AGMO: variants seen among roughly 807,000 people sequenced by gnomAD.
AGMO encodes the protein glyceryl-ether monooxygenase.
AGMO carries 75 observed loss-of-function variants against 60.2 expected under a neutral mutation model. That is an observed-to-expected ratio of 1.25 (90% CI 1.03 to 1.51). The LOEUF is 1.51. Among genes scored for constraint, AGMO ranks in the 40% most tolerant of loss-of-function variants. AGMO has a pLI of 0.00. For synonymous variants in AGMO, 261 were observed against 177.1 expected (o/e 1.47, Z -3.76); for missense variants, 763 against 525.5 (o/e 1.45, Z -4.42).
At chr7:15,495,692 C>T (rs533173752) in intron 3 of AGMO, among the ~76,000 whole-genome samples, 7 of 152,146 alleles carry the variant, frequency 4.6e-5, no homozygotes, top group African/African-American at 9.6e-5. Context: ...TTCTGGTGGC[C>T]GAGAAGTCCA....
intron 9 of AGMO, 78 bp from the exon 10 acceptor site, chr7:15,385,640 G>C: frequency 3.7e-6 from 3 of 806,732 alleles, no homozygotes; most frequent in South Asian, 1.6e-5. Flanking sequence ...AGAGATATTT[G>C]AAAAAAGTAT....
chr7:15,540,235 G>A (rs530739607), intron 3 of AGMO, among the ~76,000 whole-genome samples: 2 of 152,252 alleles, frequency 1.3e-5, no homozygotes, highest in East Asian at 3.9e-4. Flanking sequence ...GACATCTCTG[G>A]AGAGGTTGTG....
intron 5 of AGMO, among the ~76,000 whole-genome samples, chr7:15,401,899 T>C (rs1195841491): frequency 6.6e-6 from 1 of 152,068 alleles, no homozygotes; most frequent in Non-Finnish European, 1.5e-5. Flanking sequence ...TGCATTTTGA[T>C]GAGCATAGGT....
chr7:15,223,355 G>C (rs759965742), intron 12 of AGMO, among the ~76,000 whole-genome samples: 40 of 151,838 alleles, frequency 2.6e-4, no homozygotes, highest in Non-Finnish European at 5.0e-4. Flanking sequence ...TGTAGCTTCA[G>C]TGATATCATT....
chr7:15,352,279 T>C (rs960234586), intron 12 of AGMO, among the ~76,000 whole-genome samples: 10 of 152,036 alleles, frequency 6.6e-5, no homozygotes, highest in Admixed American at 1.3e-4. Flanking sequence ...CTACTTGTCC[T>C]GCCTATTTAA....
chr7:15,369,784 T>C (rs1185267566), intron 10 of AGMO, among the ~76,000 whole-genome samples: 2 of 152,162 alleles, frequency 1.3e-5, no homozygotes, highest in African/African-American at 4.8e-5. Context: ...GCCTAGAATA[T>C]AGAACTCAAT....
At chr7:15,162,492 A>G in the AGMO span, among the ~76,000 whole-genome samples, 1 of 152,052 alleles carries the variant, frequency 6.6e-6, no homozygotes, top group Non-Finnish European at 1.5e-5. Context: ...CAGGAGTTCG[A>G]GAACAGCCTG....
At chr7:15,429,507 C>G (rs889787550) in intron 4 of AGMO, among the ~76,000 whole-genome samples, 1 of 152,022 alleles carries the variant, frequency 6.6e-6, no homozygotes, top group East Asian at 1.9e-4. Context: ...ATTGCCCTGG[C>G]AGTACCTTGA....
At chr7:15,554,396 T>C (rs888661111) in intron 2 of AGMO, among the ~76,000 whole-genome samples, 7 of 152,100 alleles carry the variant, frequency 4.6e-5, no homozygotes, top group African/African-American at 1.7e-4. Context: ...ATCCCTTTTA[T>C]GCCTTAAGTT....
intron 3 of AGMO, among the ~76,000 whole-genome samples, chr7:15,499,066 A>G (rs2128524297): frequency 6.6e-6 from 1 of 152,022 alleles, no homozygotes; most frequent in East Asian, 1.9e-4. Flanking sequence ...AAACACTTAA[A>G]GTTCCAAGTT....
At chr7:15,527,042 C>A (rs1784146799) in intron 3 of AGMO, among the ~76,000 whole-genome samples, 1 of 152,056 alleles carries the variant, frequency 6.6e-6, no homozygotes, top group East Asian at 1.9e-4. Flanking sequence ...CCTCCCTGTT[C>A]CCTGAGACAC....
chr7:15,501,911 T>C (rs1317631736), intron 3 of AGMO, among the ~76,000 whole-genome samples: 1 of 152,060 alleles, frequency 6.6e-6, no homozygotes, highest in Non-Finnish European at 1.5e-5. Context: ...GTTAATTCTA[T>C]ATTTAGTTAA....
chr7:15,559,418 G>A (rs1785240866), intron 2 of AGMO, among the ~76,000 whole-genome samples: 2 of 152,030 alleles, frequency 1.3e-5, no homozygotes, highest in African/African-American at 4.8e-5. Flanking sequence ...TTGGAAAACA[G>A]ATAAAGCTTG....
intron 12 of AGMO, among the ~76,000 whole-genome samples, chr7:15,288,110 G>A (rs1045787618): frequency 1.2e-4 from 18 of 151,568 alleles, no homozygotes; most frequent in African/African-American, 3.9e-4. Context: ...CGCAAGCTCC[G>A]CCTCCCGGGT....
rs111599256 is a variant in AGMO, at chr7:15,266,045, G to A, written c.1264-64686C>T. ...TAGCCAGTTAGAAAAAGACAAATTC[G>A]ATATAATTGCACTTATATGAGCTAC... is the stretch of plus-strand genomic sequence containing the variant. On this transcript the variant is annotated intron_variant, in intron 12 of 12. Transcript: ENST00000342526. 5.3e-5 allele frequency among the ~76,000 whole-genome samples: 8 copies of A among 152,082 alleles called. No homozygotes were observed. The East Asian group carries it at 1.2e-3, about 22-fold the overall frequency.
intron 10 of AGMO, among the ~76,000 whole-genome samples, chr7:15,374,957 C>T (rs1272289302): frequency 6.6e-6 from 1 of 152,094 alleles, no homozygotes; most frequent in East Asian, 1.9e-4. Context: ...AAAAAAGGAT[C>T]AGAGTTACAA....
chr7:15,480,002 A>G (rs1269765333), intron 3 of AGMO, among the ~76,000 whole-genome samples: 1 of 152,188 alleles, frequency 6.6e-6, no homozygotes, highest in African/African-American at 2.4e-5. Context: ...CATTTAGGAA[A>G]GTTACTCTGC....
chr7:15,168,099 T>A, the AGMO span, among the ~76,000 whole-genome samples: 2 of 152,226 alleles, frequency 1.3e-5, no homozygotes, highest in Non-Finnish European at 2.9e-5. Context: ...CAGATTCTGA[T>A]TGCACAGGGT....
chr7:15,288,222 C>T (rs574158437), intron 12 of AGMO, among the ~76,000 whole-genome samples: 5 of 151,946 alleles, frequency 3.3e-5, no homozygotes, highest in South Asian at 2.1e-4. Flanking sequence ...TTAGTAGAGA[C>T]GGAGTTTCAC....
Sources: allele counts gnomAD v4.1 joint callset (sites outside exome capture counted in the v4.1 genomes callset), GRCh38; gene constraint gnomAD v4.1.1; transcripts MANE v1.5; gene names NCBI Gene and HGNC (gene_info 2026-07-23, HGNC 2026-07-21).